Variants in ADARB2 observed in about 807,000 individuals in gnomAD.
ADARB2 encodes the protein inactive double-stranded RNA-specific editase B2.
In ADARB2, 25 loss-of-function variants were observed where a neutral mutation model predicts 62.2. The ratio of observed to expected loss-of-function variants is 0.40; its 90% CI spans 0.29 to 0.56. The LOEUF is 0.56. Among genes scored for constraint, ADARB2 ranks in the 20% least tolerant of loss-of-function variants. The probability of loss-of-function intolerance (pLI) is 0.43; values close to 1 mark genes in which losing one functional copy is unlikely to be tolerated. For synonymous variants in ADARB2, 572 were observed against 500.8 expected (o/e 1.14, Z -1.90); for missense variants, 1,071 against 1,077.4 (o/e 0.99, Z 0.08).
chr10:1,411,108 C>T (rs964052707), intron 1 of ADARB2, among the ~76,000 whole-genome samples: 3 of 152,212 alleles, frequency 2.0e-5, no homozygotes, highest in South Asian at 2.1e-4. Flanking sequence ...GACCAGGGCA[C>T]GGCCATCCAG....
At chr10:1,301,558 TTC>T (rs202169160) in intron 3 of ADARB2, among the ~76,000 whole-genome samples, 5 of 78,100 alleles carry the variant, frequency 6.4e-5, no homozygotes, top group Admixed American at 1.4e-4. Flanking sequence ...TGCTTCTCTC[TTC>T]TCTCTCTCTC....
intron 1 of ADARB2, among the ~76,000 whole-genome samples, chr10:1,466,126 G>A (rs570276503): frequency 3.3e-5 from 5 of 152,246 alleles, no homozygotes; most frequent in Admixed American, 2.6e-4. Context: ...GTAGTCCACT[G>A]CTGACTCCAC....
At chr10:1,396,350 C>T (rs926824066) in intron 1 of ADARB2, among the ~76,000 whole-genome samples, 1 of 152,136 alleles carries the variant, frequency 6.6e-6, no homozygotes, top group East Asian at 1.9e-4. Flanking sequence ...ACGCCTCGGC[C>T]GACGCAGCCT....
At chr10:1,321,585 A>T (rs1174150571) in intron 3 of ADARB2, among the ~76,000 whole-genome samples, 1 of 152,040 alleles carries the variant, frequency 6.6e-6, no homozygotes, top group African/African-American at 2.4e-5. Flanking sequence ...GGGTCTCATT[A>T]TGTTGCCCAG....
Position 1,592,272 on chromosome 10 carries a change from A to C in ADARB2, c.100+144779T>G, listed in dbSNP as rs577146230. Among the ~76,000 whole-genome samples the C allele has an allele frequency of 4.8e-3, 668 of 138,264 alleles. 16 individuals are homozygous for C. The highest frequency in any genetic ancestry group is 0.017 in the African/African-American group (615 of 35,934). The allele number at this position is 138,264 out of a possible 152,430, so 90.7% of individuals were successfully genotyped here. ...ACCCAGCTCCCCTGGCCCAAGCCAC[A>C]CTCTGTAGGTCTCCTCTCTGGCATG... On this transcript the variant is annotated intron_variant, in intron 1 of 9. Coordinates refer to ENST00000381312, the MANE Select transcript of ADARB2 (RefSeq NM_018702.4).
chr10:1,242,141 G>A lies in ADARB2; in HGVS notation c.1351C>T (p.Leu451=), dbSNP rs779715693. Residue 451 remains leucine, a synonymous_variant, in exon 5 of 10, where the codon CTG becomes TTG. Coordinates refer to ENST00000381312, the MANE Select transcript of ADARB2 (RefSeq NM_018702.4). Reference sequence around the variant, plus strand: ...TCCCCAGCCGCTCACCTCAGGTGCAGCTCCAGCTGCGTGTAGAGGAAGTGC... The same window carrying A: ...TCCCCAGCCGCTCACCTCAGGTGCAACTCCAGCTGCGTGTAGAGGAAGTGC... The part of the protein sequence containing the change: ...FLHFLYTQLE[L]HLSKRREDSE... The A allele has an allele frequency of 6.2e-7, 1 of 1,607,168 alleles. No individual in the cohort carries two copies. The highest frequency in any genetic ancestry group is 1.1e-5 in the South Asian group (1 of 90,798).
chr10:1,479,336 G>A (rs1411353289), intron 1 of ADARB2, among the ~76,000 whole-genome samples: 2 of 152,194 alleles, frequency 1.3e-5, no homozygotes, highest in Non-Finnish European at 2.9e-5. Context: ...CCAGGCAGTA[G>A]CAGATCACCC....
chr10:1,191,768 G>T (rs1836848477), intron 8 of ADARB2, among the ~76,000 whole-genome samples: 1 of 152,242 alleles, frequency 6.6e-6, no homozygotes, highest in African/African-American at 2.4e-5. Flanking sequence ...CTGCCAGGTT[G>T]TCTGGTGTAC....
At position 1,201,243 on chromosome 10, in the gene ADARB2, C is replaced by T. The variant is rs1180475227; in HGVS notation, c.1683-1096G>A. Among the ~76,000 whole-genome samples, 11 of 152,164 alleles carry T rather than the reference C, an allele frequency of 7.2e-5. 1 individual carries two copies. On this transcript the variant is annotated intron_variant, in intron 7 of 9. Coordinates refer to ENST00000381312, the MANE Select transcript of ADARB2 (RefSeq NM_018702.4). ...TCTGGCTGGTGGGGGTTTCGGGGAG[C>T]CGCTCTCCCTCTCTCCCTCTGCAAA...
intron 3 of ADARB2, among the ~76,000 whole-genome samples, chr10:1,314,315 GCTGGACTCTACTTGCC>G (rs1831717917): frequency 6.6e-6 from 1 of 152,038 alleles, no homozygotes; most frequent in South Asian, 2.1e-4. Context: ...CCTGCCCACA[GCTGGACTCTACTTGCC>G]CCGTCCTCCT....
chr10:1,635,159 T>C (rs1221892096), intron 1 of ADARB2, among the ~76,000 whole-genome samples: 1 of 152,230 alleles, frequency 6.6e-6, no homozygotes, highest in Non-Finnish European at 1.5e-5. Context: ...CTTTAAAAAA[T>C]ATCAACCATG....
rs12245349 is a variant in ADARB2, at chr10:1,228,942, G to A, written c.1513+4752C>T. 3.1e-3 allele frequency among the ~76,000 whole-genome samples: 476 copies of A among 152,296 alleles called. 2 individuals are homozygous for A. The highest frequency in any genetic ancestry group is 0.01 in the African/African-American group (433 of 41,556). On this transcript the variant is annotated intron_variant, in intron 6 of 9. Transcript: ENST00000381312. ...AACCTGCTGGCTCAAAACCCGACCT[G>A]TGCTCAGAAAACTAGAGTCTTGGAT...
chr10:1,427,658 C>G (rs1011950609), intron 1 of ADARB2, among the ~76,000 whole-genome samples: 1 of 152,182 alleles, frequency 6.6e-6, no homozygotes, highest in Non-Finnish European at 1.5e-5. Flanking sequence ...CTCTGGAAAA[C>G]AGTTTGGCAG....
chr10:1,417,643 T>A (rs1177140899), intron 1 of ADARB2, among the ~76,000 whole-genome samples: 1 of 152,140 alleles, frequency 6.6e-6, no homozygotes, highest in Non-Finnish European at 1.5e-5. Context: ...TTTGTCTGGG[T>A]TCTGTATTGG....
chr10:1,625,777 G>A (rs1009810903), intron 1 of ADARB2, among the ~76,000 whole-genome samples: 8 of 142,994 alleles, frequency 5.6e-5, no homozygotes, highest in Non-Finnish European at 1.1e-4. Context: ...AGGCCTGCCC[G>A]ACCCCTCTCA....
chr10:1,590,922 G>A (rs934506349), intron 1 of ADARB2, among the ~76,000 whole-genome samples: 1 of 152,168 alleles, frequency 6.6e-6, no homozygotes, highest in Non-Finnish European at 1.5e-5. Flanking sequence ...AGTAAAAGGG[G>A]AACTGACCAC....
intron 1 of ADARB2, among the ~76,000 whole-genome samples, chr10:1,403,826 C>A (rs909576829): frequency 6.6e-6 from 1 of 152,238 alleles, no homozygotes; most frequent in Non-Finnish European, 1.5e-5. Flanking sequence ...TGCTTTCATT[C>A]ATCATTGTAG....
At chr10:1,594,435 G>C (rs1833305259) in intron 1 of ADARB2, among the ~76,000 whole-genome samples, 1 of 152,084 alleles carries the variant, frequency 6.6e-6, no homozygotes, top group Non-Finnish European at 1.5e-5. Context: ...TTCTGTGGTG[G>C]GGCCATTTTC....
rs1832279145 is a variant in ADARB2, at chr10:1,363,317, A to G, written c.788T>C (p.Leu263Pro). The G allele has an allele frequency of 4.9e-6, 6 of 1,233,058 alleles. No homozygotes were observed. In the South Asian group the frequency reaches 1.4e-4, roughly 28 times the overall value. The allele number at this position is 1,233,058 out of a possible 1,614,324, so 76.4% of individuals were successfully genotyped here. ...GGGGGTGGCGGGGGTCGGGCCCACC[A>G]GGTCCAGCGCGCGGCACAGCAGCCG... Reference protein sequence around the residue: ...RRRLLCRALDLVGPTPATPAA... With the variant: ...RRRLLCRALDPVGPTPATPAA... Residue 263 changes from leucine (L) to proline (P), a missense_variant, in exon 3 of 10, where the codon CTG (leucine) becomes CCG (proline). Physicochemically the swap from Leu to Pro is moderately conservative, Grantham distance 98. Transcript: ENST00000381312.
Sources: gnomAD v4.1 joint callset for allele counts (sites outside exome capture counted in the v4.1 genomes callset) on GRCh38, gnomAD v4.1.1 for gene constraint, MANE v1.5 for transcripts, NCBI Gene and HGNC (gene_info 2026-07-23, HGNC 2026-07-21) for gene names.